Variants in AASS observed in about 807,000 individuals in gnomAD.
AASS encodes alpha-aminoadipic semialdehyde synthase, mitochondrial.
A neutral mutation model predicts 105.4 loss-of-function variants in AASS; 86 were observed. That is an observed-to-expected ratio of 0.82 (90% confidence interval 0.69 to 0.98). The LOEUF is 0.98. Ranked by LOEUF, AASS falls within the 50% of genes least tolerant of loss-of-function variation. The pLI, the probability that AASS is intolerant of heterozygous loss-of-function variation, is 0.00. For missense variants in AASS, 1,048 were observed against 1,143.2 expected (o/e 0.92, Z 1.20); for synonymous variants, 381 against 394.8 (o/e 0.96, Z 0.41).
At chr7:122,117,071 T>G (rs1795217450) in intron 6 of AASS, 114 bp from the exon 7 acceptor site, 1 of 939,040 alleles carries the variant, frequency 1.1e-6, no homozygotes, top group Non-Finnish European at 1.7e-6. Context: ...TTGCCTTCCC[T>G]ACAACCAGGA....
Position 122,093,145 on chromosome 7 carries a change from C to T in AASS, c.1669G>A (p.Val557Ile). ...GCCTTGGCCACAAGAGGGTGCAATA[C>T]ATAAGGCAACAAGCTTGAAAACAGG... ...QDLVISLLPY[V>I]LHPLVAKACI... The change falls in exon 16 of 24, where the codon GTA (valine) becomes ATA (isoleucine). Residue 557 changes from valine to isoleucine, a missense_variant. Physicochemically the swap from Val to Ile is conservative, Grantham distance 29. Transcript: ENST00000417368. 1 of 1,613,370 alleles carries T rather than the reference C, an allele frequency of 6.2e-7. No homozygotes were observed. Among genetic ancestry groups the T allele is most frequent in the Non-Finnish European group, 8.5e-7 (1 of 1,179,394 alleles).
intron 18 of AASS, among the ~76,000 whole-genome samples, chr7:122,086,515 A>T (rs1000059960): frequency 2.0e-5 from 3 of 151,588 alleles, no homozygotes. Context: ...TTTAGAAAAA[A>T]AATTTAAAAT....
chr7:122,103,130 A>G (rs1794507582), intron 11 of AASS, among the ~76,000 whole-genome samples: 1 of 152,068 alleles, frequency 6.6e-6, no homozygotes, highest in African/African-American at 2.4e-5. Flanking sequence ...AAGCTCAACA[A>G]TCTCCAAACA....
chr7:122,112,974 A>T, intron 11 of AASS, 144 bp downstream of exon 11: 1 of 714,860 alleles, frequency 1.4e-6, no homozygotes, highest in Non-Finnish European at 2.5e-6. Flanking sequence ...CAAATAAAAT[A>T]GTATCAGTAA....
At chr7:122,109,156 A>G (rs1481039989) in intron 11 of AASS, among the ~76,000 whole-genome samples, 1 of 151,592 alleles carries the variant, frequency 6.6e-6, no homozygotes, top group African/African-American at 2.4e-5. Context: ...ACAAAAACAA[A>G]TGTAAAGATA....
chr7:122,142,875 A>G (rs778067539), intron 1 of AASS, among the ~76,000 whole-genome samples: 1 of 152,252 alleles, frequency 6.6e-6, no homozygotes, highest in Non-Finnish European at 1.5e-5. Flanking sequence ...CTAGTGAGAA[A>G]AAAAATTCAA....
chr7:122,092,042 T>TA (rs544553610), intron 17 of AASS, among the ~76,000 whole-genome samples, 199 bp from the exon 18 acceptor site: 71 of 151,918 alleles, frequency 4.7e-4, no homozygotes, highest in African/African-American at 1.5e-3. Flanking sequence ...TATGTTTTTT[T>TA]AAAAAAACTG....
Position 122,133,697 on chromosome 7 carries a change from G to C in AASS, c.30C>G (p.Gly10=). The change falls in exon 2 of 24, where the codon GGC becomes GGG. Residue 10 remains glycine, a synonymous_variant. Transcript: ENST00000417368. MLQVHRTGL[G]RLGVSLSKGL... ...CCTTGGAGAGGCTGACCCCCAGCCT[G>C]CCCAGTCCAGTCCTATGTACTTGCA... is the stretch of plus-strand genomic sequence containing the variant. 1 of 1,614,102 alleles carries C rather than the reference G, an allele frequency of 6.2e-7. No individual in the cohort carries two copies. The highest frequency in any genetic ancestry group is 8.5e-7 in the Non-Finnish European group (1 of 1,180,022).
intron 19 of AASS, among the ~76,000 whole-genome samples, chr7:122,083,605 C>T: frequency 6.6e-6 from 1 of 151,998 alleles, no homozygotes; most frequent in East Asian, 1.9e-4. Context: ...AATGCATCAC[C>T]ACTGATGACT....
chr7:122,127,794 C>T (rs1015784750), intron 3 of AASS, among the ~76,000 whole-genome samples: 3 of 152,098 alleles, frequency 2.0e-5, no homozygotes, highest in Non-Finnish European at 4.4e-5. Flanking sequence ...TCTATACTCC[C>T]TTCCTAGGCT....
intron 18 of AASS, among the ~76,000 whole-genome samples, chr7:122,086,519 T>G (rs1793634043): frequency 6.6e-6 from 1 of 151,342 alleles, no homozygotes; most frequent in Non-Finnish European, 1.5e-5. Context: ...GAAAAAAAAT[T>G]TAAAATAAAC....
intron 11 of AASS, among the ~76,000 whole-genome samples, chr7:122,103,661 A>C (rs993587091): frequency 3.9e-5 from 6 of 152,068 alleles, no homozygotes; most frequent in Non-Finnish European, 8.8e-5. Context: ...GCTACAATAA[A>C]GTATTAAGAA....
chr7:122,115,281 C>T, intron 8 of AASS, 59 bp from the exon 9 acceptor site: 5 of 1,581,894 alleles, frequency 3.2e-6, no homozygotes, highest in Non-Finnish European at 4.3e-6. Context: ...ATACAGTATA[C>T]TGAAAGAAAG....
chr7:122,095,982 C>T (rs569944848), intron 15 of AASS, among the ~76,000 whole-genome samples: 2 of 152,018 alleles, frequency 1.3e-5, no homozygotes, highest in Non-Finnish European at 2.9e-5. Context: ...AATGATAGGA[C>T]TTTGCCTGTG....
intron 11 of AASS, among the ~76,000 whole-genome samples, chr7:122,112,145 C>T (rs1794971465): frequency 6.6e-6 from 1 of 152,136 alleles, no homozygotes; most frequent in Non-Finnish European, 1.5e-5. Flanking sequence ...TCCTTAACTT[C>T]TCTGTATTTG....
chr7:122,139,751 G>C (rs1241275709), intron 1 of AASS, among the ~76,000 whole-genome samples: 1 of 152,082 alleles, frequency 6.6e-6, no homozygotes, highest in South Asian at 2.1e-4. Flanking sequence ...TGAGGAGTTC[G>C]AGACCAGCCT....
Position 122,116,653 on chromosome 7 carries a change from T to G in AASS, c.874A>C (p.Ile292Leu), listed in dbSNP as rs587777122. Residue 292 changes from isoleucine to leucine, a missense_variant, in exon 8 of 24, where the codon ATA (isoleucine) becomes CTA (leucine). Ile to Leu is a conservative substitution (Grantham distance 5, BLOSUM62 2). Coordinates refer to ENST00000417368, the MANE Select transcript of AASS (RefSeq NM_005763.4). ...CTCACATCAGTATTAAAACGACTTA[T>G]GTAGCGCTCCGGATGTTTGTCATAC... ...AEYDKHPERY[I>L]SRFNTDIAPY... The G allele has an allele frequency of 1.4e-5, 22 of 1,614,020 alleles. No homozygotes were observed. The highest frequency in any genetic ancestry group is 1.7e-5 in the Non-Finnish European group (20 of 1,180,014).
In AASS at chr7:122,075,743, A is replaced by T. The variant is rs1792970369; in HGVS notation, c.*746T>A. ...ATCTTATCTATTCTCATGTCCAAACACTCAAGAGAAAACTATAAGGAACTA... is the reference window on the plus strand; with the variant it reads ...ATCTTATCTATTCTCATGTCCAAACTCTCAAGAGAAAACTATAAGGAACTA... On this transcript the variant is annotated 3_prime_UTR_variant, in exon 24 of 24. Transcript: ENST00000417368. 1 of 152,170 alleles carries T rather than the reference A, an allele frequency of 6.6e-6. No individual in the cohort carries two copies. Among genetic ancestry groups the T allele is most frequent in the Non-Finnish European group, 1.5e-5 (1 of 68,038 alleles). 9.4% of individuals were successfully genotyped at this position (152,170 alleles called of 1,614,324 possible).
chr7:122,081,970 T>A (rs954555199), intron 19 of AASS, among the ~76,000 whole-genome samples: 3 of 152,158 alleles, frequency 2.0e-5, no homozygotes, highest in Non-Finnish European at 2.9e-5. Context: ...TTTTCTTATG[T>A]GTTATATGCT....
Sources: gnomAD v4.1 joint callset for allele counts (sites outside exome capture counted in the v4.1 genomes callset) on GRCh38, gnomAD v4.1.1 for gene constraint, MANE v1.5 for transcripts, NCBI Gene and HGNC (gene_info 2026-07-23, HGNC 2026-07-21) for gene names.